The following SLC35F1 variants were observed in gnomAD, a reference collection of about 807,000 sequenced individuals.
SLC35F1 encodes the protein solute carrier family 35 member F1.
A neutral mutation model predicts 48.7 loss-of-function variants in SLC35F1; 14 were observed. The ratio of observed to expected loss-of-function variants is 0.29; its 90% CI spans 0.19 to 0.45. The LOEUF (loss-of-function observed/expected upper bound fraction) is 0.45. Ranked by LOEUF, SLC35F1 falls within the 20% of genes least tolerant of loss-of-function variation. The probability of loss-of-function intolerance (pLI) is 1.00; values close to 1 mark genes in which losing one functional copy is unlikely to be tolerated. For missense variants in SLC35F1, 404 were observed against 500.0 expected, an observed-to-expected ratio of 0.81 and a Z score of 1.83; for synonymous variants, 190 against 202.2, an observed-to-expected ratio of 0.94 and a Z score of 0.51.
chr6:117,969,775 G>GT (rs1776616461), intron 1 of SLC35F1, among the ~76,000 whole-genome samples: 1 of 152,024 alleles, frequency 6.6e-6, no homozygotes, highest in African/African-American at 2.4e-5. Context: ...ACTTTTTGGT[G>GT]TATGTTTTTC....
At chr6:118,151,732 G>A (rs1196516901) in intron 1 of SLC35F1, among the ~76,000 whole-genome samples, 2 of 152,018 alleles carry the variant, frequency 1.3e-5, no homozygotes, top group Non-Finnish European at 2.9e-5. Context: ...GTCCAGGCTG[G>A]TCTTGAACTC....
At chr6:118,152,806 G>A (rs893775788) in intron 1 of SLC35F1, among the ~76,000 whole-genome samples, 5 of 152,210 alleles carry the variant, frequency 3.3e-5, no homozygotes, top group African/African-American at 9.7e-5. Flanking sequence ...GGAATGTAAA[G>A]GCTATGTCAG....
intron 1 of SLC35F1, 104 bp from the exon 2 acceptor site, chr6:118,154,341 A>G: frequency 1.1e-6 from 1 of 914,230 alleles, no homozygotes; most frequent in Non-Finnish European, 1.7e-6. Flanking sequence ...ATTTAATTGC[A>G]CTTAATCCAG....
chr6:118,059,819 G>A (rs62431218), intron 1 of SLC35F1, among the ~76,000 whole-genome samples: 5 of 152,138 alleles, frequency 3.3e-5, no homozygotes, highest in Non-Finnish European at 4.4e-5. Flanking sequence ...TTTGTAAACA[G>A]TCCTAATCAC....
chr6:118,222,939 T>C (rs993291605), intron 2 of SLC35F1, among the ~76,000 whole-genome samples: 2 of 152,198 alleles, frequency 1.3e-5, no homozygotes, highest in South Asian at 4.1e-4. Flanking sequence ...AATCAGCCAC[T>C]TCTCCAAAGA....
At chr6:118,307,075 A>G (rs1418237125) in intron 7 of SLC35F1, among the ~76,000 whole-genome samples, 3 of 152,250 alleles carry the variant, frequency 2.0e-5, no homozygotes, top group African/African-American at 7.2e-5. Flanking sequence ...GCCAAGGGCC[A>G]TGGTTGCTAC....
chr6:117,907,870 G>T lies in SLC35F1; in HGVS notation c.144G>T (p.Val48=). The change falls in exon 1 of 8, where the codon GTG becomes GTT. Residue 48 remains valine (V), a synonymous_variant. Coordinates refer to ENST00000360388, the MANE Select transcript of SLC35F1 (RefSeq NM_001029858.4). ...GSLSASSRAG[V]RQRIRKVLNR... ...TGTCCGCCTCCTCCCGGGCTGGCGT[G>T]CGCCAGAGGATCCGCAAAGTGCTGA... 3 of 1,513,274 alleles carry T rather than the reference G, an allele frequency of 2.0e-6. No homozygotes were observed. The highest frequency in any genetic ancestry group is 2.6e-6 in the Non-Finnish European group (3 of 1,141,230). 93.7% of individuals were successfully genotyped at this position (1,513,274 alleles called of 1,614,324 possible). A position where few individuals can be genotyped will look rare whatever the true frequency, so the allele number is the denominator to read the frequency against.
chr6:118,211,560 A>ATT (rs770199422), intron 2 of SLC35F1, among the ~76,000 whole-genome samples: 8 of 152,244 alleles, frequency 5.3e-5, no homozygotes, highest in Non-Finnish European at 1.2e-4. Context: ...ATTATGAAAT[A>ATT]TCAGTGCTTA....
chr6:118,038,478 A>G (rs1208038679), intron 1 of SLC35F1, among the ~76,000 whole-genome samples: 3 of 152,044 alleles, frequency 2.0e-5, no homozygotes, highest in Non-Finnish European at 4.4e-5. Flanking sequence ...AGTGCTATAT[A>G]TATCTTAACA....
intron 1 of SLC35F1, among the ~76,000 whole-genome samples, chr6:118,150,898 T>G (rs566965766): frequency 6.6e-6 from 1 of 152,302 alleles, no homozygotes; most frequent in African/African-American, 2.4e-5. Context: ...CCATTTCCTT[T>G]TCACTTAGTC....
chr6:118,153,538 G>C (rs963174466), intron 1 of SLC35F1, among the ~76,000 whole-genome samples: 2 of 152,148 alleles, frequency 1.3e-5, no homozygotes, highest in Non-Finnish European at 2.9e-5. Flanking sequence ...GACTTTCAGG[G>C]AGGGCAGAAA....
intron 1 of SLC35F1, among the ~76,000 whole-genome samples, chr6:118,088,690 G>A (rs1582659569): frequency 6.6e-6 from 1 of 152,250 alleles, no homozygotes; most frequent in East Asian, 1.9e-4. Context: ...TACTGTGTTT[G>A]GTTGTGCAAG....
At chr6:117,966,555 C>T (rs113701646) in intron 1 of SLC35F1, among the ~76,000 whole-genome samples, 16 of 152,114 alleles carry the variant, frequency 1.1e-4, no homozygotes, top group East Asian at 7.8e-4. Context: ...GAAGAAACTC[C>T]GGACACACCA....
At chr6:118,110,222 A>G (rs1386486057) in intron 1 of SLC35F1, among the ~76,000 whole-genome samples, 1 of 152,164 alleles carries the variant, frequency 6.6e-6, no homozygotes, top group East Asian at 1.9e-4. Flanking sequence ...AGCTAAACAA[A>G]CTGAAAATCA....
intron 1 of SLC35F1, among the ~76,000 whole-genome samples, chr6:117,982,919 C>T (rs1211522406): frequency 6.6e-6 from 1 of 152,062 alleles, no homozygotes; most frequent in African/African-American, 2.4e-5. Flanking sequence ...GGCCATTACC[C>T]AGGAGACTCT....
At chr6:118,144,130 A>G (rs1163655968) in intron 1 of SLC35F1, among the ~76,000 whole-genome samples, 1 of 152,212 alleles carries the variant, frequency 6.6e-6, no homozygotes, top group Non-Finnish European at 1.5e-5. Flanking sequence ...ATAAAGATAC[A>G]TTCATGCGTA....
At chr6:117,914,135 T>TATC (rs1554215886) in intron 1 of SLC35F1, among the ~76,000 whole-genome samples, 1 of 150,518 alleles carries the variant, frequency 6.6e-6, no homozygotes, top group South Asian at 2.1e-4. Context: ...TCTATCTATC[T>TATC]ATCTGTCTAT....
intron 2 of SLC35F1, among the ~76,000 whole-genome samples, chr6:118,231,212 T>G: frequency 6.6e-6 from 1 of 152,218 alleles, no homozygotes; most frequent in East Asian, 1.9e-4. Context: ...TATTTTAACA[T>G]ATTGATAATA....
At chr6:118,189,871 A>G in intron 2 of SLC35F1, among the ~76,000 whole-genome samples, 1 of 151,994 alleles carries the variant, frequency 6.6e-6, no homozygotes, top group South Asian at 2.1e-4. Context: ...ACAGGTTGGC[A>G]TTTGCCTTAT....
Sources: allele counts gnomAD v4.1 joint callset (sites outside exome capture counted in the v4.1 genomes callset), GRCh38; gene constraint gnomAD v4.1.1; transcripts MANE v1.5; gene names NCBI Gene and HGNC (gene_info 2026-07-23, HGNC 2026-07-21).